Variants in ESR1 observed in about 807,000 individuals in gnomAD.
The protein encoded by ESR1 is estrogen receptor.
In ESR1, 12 loss-of-function variants were observed where a neutral mutation model predicts 52.7. The ratio of observed to expected loss-of-function variants is 0.23; its 90% CI spans 0.15 to 0.37. The LOEUF (loss-of-function observed/expected upper bound fraction) is 0.37, where lower values mean the gene tolerates loss of function less well. Ranked by LOEUF, ESR1 falls within the 10% of genes least tolerant of loss-of-function variation. ESR1 has a pLI of 1.00. For missense variants in ESR1, 584 were observed against 779.7 expected (o/e 0.75, Z 2.99); for synonymous variants, 305 against 316.8 (o/e 0.96, Z 0.39).
intron 6 of ESR1, among the ~76,000 whole-genome samples, chr6:152,070,277 A>T (rs1296459035): frequency 7.3e-6 from 1 of 137,444 alleles, no homozygotes; most frequent in Non-Finnish European, 1.5e-5. Flanking sequence ...AGGTGCAATC[A>T]GGCCATATAT....
At chr6:151,855,473 C>T (rs1787662273) in intron 2 of ESR1, among the ~76,000 whole-genome samples, 1 of 152,158 alleles carries the variant, frequency 6.6e-6, no homozygotes, top group Non-Finnish European at 1.5e-5. Context: ...CTAGAGACCT[C>T]CCTGTTGAAG....
At chr6:151,959,521 C>T (rs907055775) in intron 4 of ESR1, among the ~76,000 whole-genome samples, 13 of 152,116 alleles carry the variant, frequency 8.5e-5, no homozygotes, top group Non-Finnish European at 1.5e-4. Context: ...GAAGAGTCCC[C>T]GTGCCAACGC....
At chr6:151,958,973 C>T (rs983428209) in intron 4 of ESR1, among the ~76,000 whole-genome samples, 1 of 148,732 alleles carries the variant, frequency 6.7e-6, no homozygotes, top group East Asian at 2.0e-4. Flanking sequence ...AAAAAGTTTC[C>T]GTGTGTGTGT....
At chr6:152,047,566 G>A (rs1429724717) in intron 5 of ESR1, among the ~76,000 whole-genome samples, 4 of 151,994 alleles carry the variant, frequency 2.6e-5, no homozygotes, top group Admixed American at 6.6e-5. Context: ...TGGAATGAAC[G>A]GGTTAAGAAA....
rs567670144 is a variant in ESR1 at position 151,734,565 on chromosome 6, G to A, written c.-71+32560G>A. Among the ~76,000 whole-genome samples, 8 of 152,200 alleles carry A rather than the reference G, an allele frequency of 5.3e-5. No individual in the cohort carries two copies. In the South Asian group the frequency reaches 1.5e-3, roughly 28 times the overall value. On this transcript the variant is annotated intron_variant, in intron 2 of 2. Transcript: ENST00000404742. ...ACTCACCACCTGGGTGACAAGGTTA[G>A]GGCTTCTTGCTGCACTTTTTGGCAT...
At chr6:151,872,208 C>T (rs1481211212) in intron 2 of ESR1, among the ~76,000 whole-genome samples, 6 of 152,176 alleles carry the variant, frequency 3.9e-5, no homozygotes, top group Admixed American at 2.0e-4. Context: ...TTTACAACAG[C>T]GTGCTGGGAG....
chr6:151,733,104 CT>C (rs758599131), intron 2 of ESR1, among the ~76,000 whole-genome samples: 21 of 152,290 alleles, frequency 1.4e-4, no homozygotes, highest in Non-Finnish European at 2.6e-4. Flanking sequence ...TTTCTAAGTA[CT>C]TTAACCATAT....
intron 4 of ESR1, among the ~76,000 whole-genome samples, chr6:151,973,137 A>G (rs2039084107): frequency 6.6e-6 from 1 of 152,192 alleles, no homozygotes; most frequent in Non-Finnish European, 1.5e-5. Context: ...AATACTTTGC[A>G]TCCTTCAATC....
chr6:152,109,399 C>T (rs1377425017), intron 6 of ESR1, among the ~76,000 whole-genome samples: 2 of 152,030 alleles, frequency 1.3e-5, no homozygotes, highest in Non-Finnish European at 2.9e-5. Flanking sequence ...GGCGCAGTGG[C>T]TTACACCTGT....
chr6:151,758,162 G>T (rs142620986), intron 2 of ESR1, among the ~76,000 whole-genome samples: 1 of 152,292 alleles, frequency 6.6e-6, no homozygotes, highest in African/African-American at 2.4e-5. Flanking sequence ...AGGAATTTGG[G>T]TAGTTATGGG....
chr6:152,041,754 C>T (rs534857801), intron 5 of ESR1, among the ~76,000 whole-genome samples: 2 of 152,294 alleles, frequency 1.3e-5, no homozygotes, highest in South Asian at 2.1e-4. Context: ...GCTGGAGAAT[C>T]GATATACCCC....
intron 4 of ESR1, among the ~76,000 whole-genome samples, chr6:151,966,201 G>C (rs925040040): frequency 1.3e-4 from 20 of 152,268 alleles, no homozygotes; most frequent in Non-Finnish European, 2.8e-4. Context: ...TGGCTTTGAA[G>C]ATACTGCCCC....
intron 5 of ESR1, among the ~76,000 whole-genome samples, chr6:152,018,471 GT>G (rs1429217196): frequency 6.6e-6 from 1 of 151,626 alleles, no homozygotes; most frequent in Non-Finnish European, 1.5e-5. Flanking sequence ...TCATCCACGT[GT>G]GTTTTTGATT....
At chr6:151,941,839 T>G (rs780176748) in intron 3 of ESR1, among the ~76,000 whole-genome samples, 16 of 152,228 alleles carry the variant, frequency 1.1e-4, no homozygotes, top group Non-Finnish European at 2.4e-4. Context: ...CTGCTTCTAT[T>G]TTAGCCTTTG....
intron 2 of ESR1, among the ~76,000 whole-genome samples, chr6:151,785,537 C>T (rs966647080): frequency 2.0e-5 from 3 of 152,118 alleles, no homozygotes; most frequent in African/African-American, 7.2e-5. Context: ...GAGGGGCTGG[C>T]AGCTTTTCTG....
At position 152,032,397 on chromosome 6, in the gene ESR1, G is replaced by A. The variant is rs546546475; in HGVS notation, c.1235+20603G>A. On this transcript the variant is annotated intron_variant, in intron 5 of 7. Transcript: ENST00000206249. ...GATTGCATATCTAGAAAACTCCATCGTCTCAGCGCAAAATCTCCTTAAGCT... is the reference window on the plus strand; with the variant it reads ...GATTGCATATCTAGAAAACTCCATCATCTCAGCGCAAAATCTCCTTAAGCT... Among the ~76,000 whole-genome samples the A allele has an allele frequency of 6.2e-4, 95 of 152,274 alleles. No homozygotes were observed. The South Asian group carries it at 0.013, about 22-fold the overall frequency.
chr6:151,670,377 GTTTA>G (rs1778007439), intron 1 of ESR1, among the ~76,000 whole-genome samples: 1 of 152,024 alleles, frequency 6.6e-6, no homozygotes, highest in South Asian at 2.1e-4. Flanking sequence ...GTGATTCCTT[GTTTA>G]TTTATTTATT....
intron 5 of ESR1, among the ~76,000 whole-genome samples, chr6:152,028,073 G>A (rs2982706): frequency 0.087 from 13,248 of 152,136 alleles, 608 homozygotes; most frequent in Middle Eastern, 0.14. Flanking sequence ...GAATCCGGGA[G>A]GCAGAGCTTG....
intron 5 of ESR1, among the ~76,000 whole-genome samples, chr6:152,049,032 G>A (rs545293693): frequency 1.5e-4 from 23 of 152,242 alleles, no homozygotes; most frequent in Non-Finnish European, 2.9e-4. Flanking sequence ...CATTTTAAAA[G>A]ATTGATCAAA....
Sources: allele counts gnomAD v4.1 joint callset (sites outside exome capture counted in the v4.1 genomes callset), GRCh38; gene constraint gnomAD v4.1.1; transcripts MANE v1.5; gene names NCBI Gene and HGNC (gene_info 2026-07-23, HGNC 2026-07-21).